Variants in AGMO observed in about 807,000 individuals in gnomAD.
AGMO encodes alkylglycerol monooxygenase, also known as glyceryl-ether monooxygenase.
A neutral mutation model predicts 60.2 loss-of-function variants in AGMO; 75 were observed. That is an observed-to-expected ratio of 1.25 (90% CI 1.03 to 1.51). The LOEUF (loss-of-function observed/expected upper bound fraction) is 1.51. Among genes scored for constraint, AGMO ranks in the 40% most tolerant of loss-of-function variants. The pLI is 0.00. For missense variants in AGMO, 763 were observed against 525.5 expected (o/e 1.45, Z -4.42); for synonymous variants, 261 against 177.1 (o/e 1.47, Z -3.76).
chr7:15,162,461 G>C, the AGMO span, among the ~76,000 whole-genome samples: 1 of 152,074 alleles, frequency 6.6e-6, no homozygotes, highest in Non-Finnish European at 1.5e-5. Flanking sequence ...GGAAGGCTGG[G>C]ACAGGTGGTT....
At chr7:15,290,965 G>C (rs949918060) in intron 12 of AGMO, among the ~76,000 whole-genome samples, 1 of 152,082 alleles carries the variant, frequency 6.6e-6, no homozygotes. Context: ...GGATAATAGA[G>C]TCTAGTCAGC....
At chr7:15,202,325 G>A (rs538201871) in intron 12 of AGMO, among the ~76,000 whole-genome samples, 1 of 151,806 alleles carries the variant, frequency 6.6e-6, no homozygotes, top group East Asian at 1.9e-4. Flanking sequence ...TCTGGTGTGG[G>A]GAACTCCGGT....
intron 5 of AGMO, among the ~76,000 whole-genome samples, chr7:15,414,092 C>T (rs1780690331): frequency 6.6e-6 from 1 of 151,686 alleles, no homozygotes; most frequent in South Asian, 2.1e-4. Context: ...ACTGCAAGCT[C>T]CGCCTCCCAG....
At chr7:15,551,017 G>A (rs528669219) in intron 2 of AGMO, among the ~76,000 whole-genome samples, 4,145 of 145,180 alleles carry the variant, frequency 0.029, 161 homozygotes, top group African/African-American at 0.1. Context: ...TTCAATATAC[G>A]CAAATCAATA....
intron 12 of AGMO, among the ~76,000 whole-genome samples, chr7:15,315,244 A>G (rs569420797): frequency 1.1e-4 from 16 of 151,970 alleles, no homozygotes; most frequent in Admixed American, 3.9e-4. Flanking sequence ...TATGGAAGTA[A>G]TAGAAAACTA....
At chr7:15,258,670 C>T (rs1396391217) in intron 12 of AGMO, among the ~76,000 whole-genome samples, 1 of 152,222 alleles carries the variant, frequency 6.6e-6, no homozygotes, top group Non-Finnish European at 1.5e-5. Context: ...ACAGAGTCCC[C>T]TCCACTCCCT....
At chr7:15,382,101 C>A (rs1783717456) in intron 10 of AGMO, among the ~76,000 whole-genome samples, 1 of 152,072 alleles carries the variant, frequency 6.6e-6, no homozygotes, top group South Asian at 2.1e-4. Context: ...ATAATCCATA[C>A]AACAAACCCC....
In AGMO at chr7:15,487,657, G is replaced by A. The variant is rs75661193; in HGVS notation, c.410-56549C>T. On this transcript the variant is annotated intron_variant, in intron 3 of 12. Transcript: ENST00000342526. The stretch of plus-strand genomic sequence containing the variant: ...AACATTATGAAAACTAACAATAAAC[G>A]TCCTTATATGATTTAAACATGTTTC... 5.0e-3 allele frequency among the ~76,000 whole-genome samples: 760 copies of A among 151,900 alleles called. 4 individuals are homozygous for A. Among genetic ancestry groups the A allele is most frequent in the African/African-American group, 0.018 (730 of 41,452 alleles).
the AGMO span, among the ~76,000 whole-genome samples, chr7:15,144,098 T>A: frequency 2.6e-5 from 4 of 152,292 alleles, no homozygotes; most frequent in Admixed American, 6.5e-5. Context: ...CAGTGTTAAA[T>A]CTGAATATCA....
chr7:15,300,667 A>G (rs1212252864), intron 12 of AGMO, among the ~76,000 whole-genome samples: 1 of 152,220 alleles, frequency 6.6e-6, no homozygotes, highest in African/African-American at 2.4e-5. Context: ...ACAGAGCATT[A>G]CCTCATCTGA....
intron 12 of AGMO, among the ~76,000 whole-genome samples, chr7:15,246,805 T>G (rs1208240482): frequency 6.6e-6 from 1 of 152,136 alleles, no homozygotes; most frequent in Non-Finnish European, 1.5e-5. Flanking sequence ...ATTCCTCTTC[T>G]CCTCTTGAAA....
the AGMO span, among the ~76,000 whole-genome samples, chr7:15,160,966 G>A: frequency 6.6e-6 from 1 of 152,162 alleles, no homozygotes; most frequent in Admixed American, 6.6e-5. Context: ...TCATCTCATG[G>A]ATGAAGGCAG....
the AGMO span, among the ~76,000 whole-genome samples, chr7:15,149,505 A>T: frequency 3.9e-5 from 6 of 152,140 alleles, no homozygotes; most frequent in Admixed American, 2.0e-4. Flanking sequence ...TGGTGAAAGG[A>T]AGGGATCCAG....
chr7:15,494,921 G>C (rs781058822), intron 3 of AGMO, among the ~76,000 whole-genome samples: 15 of 152,232 alleles, frequency 9.9e-5, no homozygotes, highest in Non-Finnish European at 1.5e-4. Context: ...TAGAAATGCA[G>C]AGTGTATTTC....
At chr7:15,304,635 T>G (rs1042220282) in intron 12 of AGMO, among the ~76,000 whole-genome samples, 1 of 151,788 alleles carries the variant, frequency 6.6e-6, no homozygotes, top group African/African-American at 2.4e-5. Context: ...TTTATCTGTT[T>G]CAAAAGTCCC....
chr7:15,198,272 AGTGT>A (rs1198719073), downstream of AGMO, among the ~76,000 whole-genome samples: 43 of 110,172 alleles, frequency 3.9e-4, 1 homozygote, highest in African/African-American at 1.6e-3. Context: ...ACAGAGAGAG[AGTGT>A]GTTAAAGTCC....
At chr7:15,221,092 A>G (rs149410733) in intron 12 of AGMO, among the ~76,000 whole-genome samples, 203 of 152,276 alleles carry the variant, frequency 1.3e-3, no homozygotes, top group African/African-American at 4.5e-3. Flanking sequence ...AATCATGTAA[A>G]TATTTTCTGT....
At chr7:15,494,061 A>G (rs949511332) in intron 3 of AGMO, among the ~76,000 whole-genome samples, 1 of 152,148 alleles carries the variant, frequency 6.6e-6, no homozygotes, top group Admixed American at 6.6e-5. Flanking sequence ...TTCCTCCTTG[A>G]CACTGGGTTA....
the AGMO span, among the ~76,000 whole-genome samples, chr7:15,125,058 C>T: frequency 1.5e-5 from 2 of 136,094 alleles, no homozygotes; most frequent in East Asian, 1.9e-4. Flanking sequence ...GGGATGCCTT[C>T]AGAAAAGAAA....
Sources: gnomAD v4.1 joint callset for allele counts (sites outside exome capture counted in the v4.1 genomes callset) on GRCh38, gnomAD v4.1.1 for gene constraint, MANE v1.5 for transcripts, NCBI Gene and HGNC (gene_info 2026-07-23, HGNC 2026-07-21) for gene names.